TINAG: variants seen among roughly 807,000 people sequenced by gnomAD.
TINAG encodes the protein tubulointerstitial nephritis antigen.
In TINAG, 83 loss-of-function variants were observed where a neutral mutation model predicts 72.7. The observed-to-expected ratio is 1.14, with a 90% CI of 0.96 to 1.37. The LOEUF is 1.37. TINAG is among the 40% of genes most tolerant of loss of function. The probability of loss-of-function intolerance (pLI) is 0.00; values close to 1 mark genes in which losing one functional copy is unlikely to be tolerated. For missense variants in TINAG, 685 were observed against 576.6 expected (o/e 1.19, Z -1.93); for synonymous variants, 234 against 189.9 (o/e 1.23, Z -1.91).
chr6:54,332,646 CA>C (rs769935082), intron 4 of TINAG, among the ~76,000 whole-genome samples: 1 of 152,154 alleles, frequency 6.6e-6, no homozygotes, highest in Non-Finnish European at 1.5e-5. Context: ...GGAGCTTCTG[CA>C]CAGCAAAAGA....
rs1018208 is a variant in TINAG at position 54,351,608 on chromosome 6, T to C, written c.1126+211T>C. Among the ~76,000 whole-genome samples, 3 of 152,078 alleles carry C rather than the reference T, an allele frequency of 2.0e-5. No individual in the cohort carries two copies. In the South Asian group the frequency reaches 6.2e-4, roughly 31 times the overall value. On this transcript the variant is annotated intron_variant, in intron 8 of 10. Coordinates refer to ENST00000259782, the MANE Select transcript of TINAG (RefSeq NM_014464.4). Reference sequence around the variant, plus strand: ...GCCATTTTATTTTCAGAAGATAGACTCATTTATAAATTGAACTCTTAAAAA... The same window carrying C: ...GCCATTTTATTTTCAGAAGATAGACCCATTTATAAATTGAACTCTTAAAAA...
intron 1 of TINAG, among the ~76,000 whole-genome samples, chr6:54,318,088 T>G (rs987628248): frequency 6.6e-6 from 1 of 152,098 alleles, no homozygotes; most frequent in Admixed American, 6.6e-5. Flanking sequence ...GTCTGTCAGA[T>G]GCAGTGTTTT....
chr6:54,371,904 T>C (rs1350285470), intron 9 of TINAG, among the ~76,000 whole-genome samples: 2 of 151,490 alleles, frequency 1.3e-5, no homozygotes, highest in African/African-American at 4.8e-5. Context: ...CTTAAATTTA[T>C]AGAGATCTGG....
rs180999653 is a variant in TINAG at position 54,343,434 on chromosome 6, T to A, written c.748+85T>A. The A allele has an allele frequency of 4.5e-4, 552 of 1,217,356 alleles. 3 individuals are homozygous for A. The African/African-American group carries it at 7.8e-3, about 17-fold the overall frequency. 75.4% of individuals were successfully genotyped at this position (1,217,356 alleles called of 1,614,324 possible). ...GAGAATAATTGAACAATTTTAACAA[T>A]TAGAATATTTAAATATTAGCATATG... is the stretch of plus-strand genomic sequence containing the variant. On this transcript the variant is annotated intron_variant, in intron 5 of 10. Transcript: ENST00000259782.
At position 54,362,229 on chromosome 6, in the gene TINAG, T is replaced by A. The variant is rs150732049; in HGVS notation, c.1250+7593T>A. Among the ~76,000 whole-genome samples, 285 of 151,808 alleles carry A rather than the reference T, an allele frequency of 1.9e-3. 1 individual carries two copies. Among genetic ancestry groups the A allele is most frequent in the African/African-American group, 6.6e-3 (275 of 41,508 alleles). ...GACTTTTATAGCTAAAGATGAGACA[T>A]CAGTGCCTGATATCAAAGCTTCAAA... On this transcript the variant is annotated intron_variant, in intron 9 of 10. Transcript: ENST00000259782.
intron 1 of TINAG, among the ~76,000 whole-genome samples, chr6:54,310,611 CTG>C (rs1263406966): frequency 7.0e-6 from 1 of 142,964 alleles, no homozygotes; most frequent in Non-Finnish European, 1.5e-5. Context: ...TTCTCTCTCT[CTG>C]TCTCTCTCCC....
intron 3 of TINAG, among the ~76,000 whole-genome samples, chr6:54,326,446 T>C (rs568907979): frequency 6.6e-6 from 1 of 152,208 alleles, no homozygotes; most frequent in Admixed American, 6.5e-5. Flanking sequence ...ACCTATTTAA[T>C]GTATAAGTGC....
intron 1 of TINAG, 31 bp downstream of exon 1, chr6:54,308,936 C>T: frequency 6.6e-7 from 1 of 1,518,956 alleles, no homozygotes; most frequent in Non-Finnish European, 8.9e-7. Context: ...TCAACATCAT[C>T]CTCGTTCATA....
At chr6:54,332,477 T>C (rs569183556) in intron 4 of TINAG, among the ~76,000 whole-genome samples, 59 of 152,180 alleles carry the variant, frequency 3.9e-4, no homozygotes, top group African/African-American at 1.2e-3. Flanking sequence ...TCAAGATGAA[T>C]TAAAGACTTG....
In TINAG at chr6:54,387,245, G is replaced by T. The variant is rs533025443; in HGVS notation, c.1297-2546G>T. 2.1e-4 allele frequency among the ~76,000 whole-genome samples: 32 copies of T among 152,176 alleles called. No homozygotes were observed. In the East Asian group the frequency reaches 6.0e-3, roughly 28 times the overall value. On this transcript the variant is annotated intron_variant, in intron 10 of 10. Coordinates refer to ENST00000259782, the MANE Select transcript of TINAG (RefSeq NM_014464.4). ...TACACTAGATTAGCTAAAATTAAAAGGATTGATAATATCCAGCATAGATGA... is the reference window on the plus strand; with the variant it reads ...TACACTAGATTAGCTAAAATTAAAATGATTGATAATATCCAGCATAGATGA...
chr6:54,320,783 A>T, intron 2 of TINAG, 141 bp downstream of exon 2: 2 of 577,700 alleles, frequency 3.5e-6, no homozygotes, highest in Non-Finnish European at 5.8e-6. Flanking sequence ...TGTACCTGTA[A>T]CTTTGTATAA....
chr6:54,381,833 G>C (rs1030893047), intron 10 of TINAG, among the ~76,000 whole-genome samples: 114 of 152,130 alleles, frequency 7.5e-4, no homozygotes, highest in African/African-American at 2.7e-3. Context: ...AAAAAATCAA[G>C]TTCTTTGATT....
At chr6:54,337,357 A>G (rs560916112) in intron 4 of TINAG, among the ~76,000 whole-genome samples, 22 of 149,766 alleles carry the variant, frequency 1.5e-4, no homozygotes, top group African/African-American at 4.7e-4. Context: ...AGTTCAACCA[A>G]TTCTCCCTGC....
chr6:54,313,371 T>A (rs1784301940), intron 1 of TINAG, among the ~76,000 whole-genome samples: 1 of 152,116 alleles, frequency 6.6e-6, no homozygotes, highest in Non-Finnish European at 1.5e-5. Flanking sequence ...AATTCACCCC[T>A]CACAGAACCT....
chr6:54,311,965 C>G (rs1784269283), intron 1 of TINAG, among the ~76,000 whole-genome samples: 1 of 152,080 alleles, frequency 6.6e-6, no homozygotes, highest in Non-Finnish European at 1.5e-5. Flanking sequence ...TTAAAAATAT[C>G]CTTAAATAGA....
At position 54,320,662 on chromosome 6, in the gene TINAG, C is replaced by T. The variant is rs377487387; in HGVS notation, c.419+20C>T. The T allele has an allele frequency of 1.9e-6, 3 of 1,589,196 alleles. No homozygotes were observed. In the African/African-American group the frequency reaches 4.0e-5, roughly 21 times the overall value. ...CTCCTGGTAATAAATTTAAGTGGCA[C>T]AGAACTGAGTTCTACTGTGTGTGTA... On this transcript the variant is annotated intron_variant, in intron 2 of 10. Transcript: ENST00000259782.
intron 9 of TINAG, among the ~76,000 whole-genome samples, chr6:54,360,326 T>C (rs1483451170): frequency 6.6e-6 from 1 of 151,750 alleles, no homozygotes; most frequent in Non-Finnish European, 1.5e-5. Flanking sequence ...ACACTATTTA[T>C]TTTGAAATAC....
At chr6:54,386,347 A>T (rs962352820) in intron 10 of TINAG, among the ~76,000 whole-genome samples, 4 of 152,124 alleles carry the variant, frequency 2.6e-5, no homozygotes, top group Non-Finnish European at 4.4e-5. Context: ...ACCGAGCTGG[A>T]TCCTCTGCTC....
At chr6:54,317,037 C>T (rs1357976625) in intron 1 of TINAG, among the ~76,000 whole-genome samples, 1 of 152,036 alleles carries the variant, frequency 6.6e-6, no homozygotes, top group East Asian at 1.9e-4. Flanking sequence ...TTAATTAACT[C>T]ACTCTGAGGA....
Sources: gnomAD v4.1 joint callset for allele counts (sites outside exome capture counted in the v4.1 genomes callset) on GRCh38, gnomAD v4.1.1 for gene constraint, MANE v1.5 for transcripts, NCBI Gene and HGNC (gene_info 2026-07-23, HGNC 2026-07-21) for gene names.